LMNTD1: variants seen among roughly 807,000 people sequenced by gnomAD.
The protein encoded by LMNTD1 is lamin tail domain containing 1.
Under a neutral mutation model 50.9 loss-of-function variants are expected in LMNTD1, and 35 were observed. The ratio of observed to expected loss-of-function variants is 0.69; its 90% CI spans 0.53 to 0.91. LMNTD1 has a LOEUF of 0.91. Among genes scored for constraint, LMNTD1 ranks in the 40% least tolerant of loss-of-function variants. The probability of loss-of-function intolerance (pLI) is 0.00; values close to 1 mark genes in which losing one functional copy is unlikely to be tolerated. For synonymous variants in LMNTD1, 153 were observed against 161.9 expected (o/e 0.94, Z 0.42); for missense variants, 470 against 475.5 (o/e 0.99, Z 0.11).
chr12:25,536,220 C>T (rs1242864779), intron 4 of LMNTD1, among the ~76,000 whole-genome samples: 1 of 152,098 alleles, frequency 6.6e-6, no homozygotes, highest in Non-Finnish European at 1.5e-5. Flanking sequence ...CACTATCAAC[C>T]AACATGACAT....
At chr12:25,493,978 T>C (rs562668558) in intron 9 of LMNTD1, among the ~76,000 whole-genome samples, 4 of 152,176 alleles carry the variant, frequency 2.6e-5, no homozygotes, top group Non-Finnish European at 5.9e-5. Flanking sequence ...TGGACAGGAA[T>C]GTGCTGTCAG....
At position 25,549,323 on chromosome 12, in the gene LMNTD1, T is replaced by C. The variant is rs779539410; in HGVS notation, c.310+3A>G. The C allele has an allele frequency of 1.0e-5, 16 of 1,585,020 alleles. 1 individual carries two copies. Among genetic ancestry groups the C allele is most frequent in the South Asian group, 1.1e-5 (1 of 87,856 alleles). On this transcript the variant is annotated splice_donor_region_variant and intron_variant, in intron 3 of 9. Transcript: ENST00000458174. ...AAAAATATGGGTTCCATATTTTGCT[T>C]ACCCAAGCTGTTTTCCACTCTGGAA...
In LMNTD1 at chr12:25,515,308, T is replaced by C. The variant is rs954959055; in HGVS notation, c.1189+3487A>G. ...ACAGTAAATTTGTATAATAAAATAC[T>C]ACATAATGGTTAAAGTGACTGAATT... On this transcript the variant is annotated intron_variant, in intron 8 of 9. Coordinates refer to ENST00000458174, the MANE Select transcript of LMNTD1 (RefSeq NM_001145728.2). Among the ~76,000 whole-genome samples, 6 of 152,206 alleles carry C rather than the reference T, an allele frequency of 3.9e-5. 1 individual carries two copies. The highest frequency in any genetic ancestry group is 1.3e-4 in the Admixed American group (2 of 15,294).
intron 1 of LMNTD1, among the ~76,000 whole-genome samples, chr12:25,594,651 C>CAAAAAAAAAAAAAAAAAAA (rs61299586): frequency 1.9e-4 from 13 of 69,904 alleles, no homozygotes; most frequent in East Asian, 8.3e-4. Context: ...AACAGAAATA[C>CAAAAAAAAAAAAAAAAAAA]AAAAAAAAAA....
chr12:25,495,962 A>T (rs1939048974), intron 9 of LMNTD1, among the ~76,000 whole-genome samples: 1 of 152,232 alleles, frequency 6.6e-6, no homozygotes, highest in Non-Finnish European at 1.5e-5. Flanking sequence ...AATTGTGTAG[A>T]AGAGCTCCAA....
At chr12:25,489,087 C>G (rs1938777960) in intron 9 of LMNTD1, among the ~76,000 whole-genome samples, 1 of 152,038 alleles carries the variant, frequency 6.6e-6, no homozygotes, top group African/African-American at 2.4e-5. Flanking sequence ...TTTTGTTTGT[C>G]TGTGCCCTGC....
At chr12:25,627,837 C>T (rs7967397) in intron 1 of LMNTD1, among the ~76,000 whole-genome samples, 15,602 of 151,988 alleles carry the variant, frequency 0.1, 1,147 homozygotes, top group African/African-American at 0.19. Context: ...GGGCCGGGCG[C>T]GGTGGCTCAC....
chr12:25,525,758 G>C (rs1705418), intron 6 of LMNTD1, among the ~76,000 whole-genome samples: 117,026 of 151,766 alleles, frequency 0.77, 45,890 homozygotes, highest in East Asian at 0.87. Flanking sequence ...CTATGAAAAA[G>C]TAGCCCAAAT....
chr12:25,604,002 T>A (rs1051110981), intron 1 of LMNTD1, among the ~76,000 whole-genome samples: 1 of 152,066 alleles, frequency 6.6e-6, no homozygotes, highest in Admixed American at 6.6e-5. Context: ...TAAAGAGCTA[T>A]GCAAACAAAC....
chr12:25,605,124 T>C (rs377238313), intron 1 of LMNTD1, among the ~76,000 whole-genome samples: 2 of 152,222 alleles, frequency 1.3e-5, no homozygotes, highest in African/African-American at 4.8e-5. Flanking sequence ...TTTCATGTGT[T>C]TTTTGGCTGC....
At chr12:25,481,844 A>G (rs1938454543) in intron 9 of LMNTD1, among the ~76,000 whole-genome samples, 2 of 146,166 alleles carry the variant, frequency 1.4e-5, no homozygotes, top group Non-Finnish European at 3.0e-5. Context: ...GGTCATCAAC[A>G]TATAGTAATA....
At chr12:25,491,741 T>A (rs1938891758) in intron 9 of LMNTD1, among the ~76,000 whole-genome samples, 1 of 152,162 alleles carries the variant, frequency 6.6e-6, no homozygotes, top group Non-Finnish European at 1.5e-5. Context: ...CCATGGGGAA[T>A]TCACCAGGAG....
At chr12:25,504,834 A>G (rs1319242357) in intron 8 of LMNTD1, among the ~76,000 whole-genome samples, 1 of 152,256 alleles carries the variant, frequency 6.6e-6, no homozygotes, top group Non-Finnish European at 1.5e-5. Flanking sequence ...ATCACAGTAT[A>G]AACTTGCTAA....
chr12:25,566,767 ATTGT>A (rs1308255136), intron 1 of LMNTD1, among the ~76,000 whole-genome samples: 9 of 152,234 alleles, frequency 5.9e-5, no homozygotes, highest in African/African-American at 1.9e-4. Context: ...CAATCCTATC[ATTGT>A]TTGATGATAG....
intron 8 of LMNTD1, among the ~76,000 whole-genome samples, chr12:25,511,316 G>C (rs897260498): frequency 6.6e-6 from 1 of 152,120 alleles, no homozygotes; most frequent in African/African-American, 2.4e-5. Flanking sequence ...AAACAAGATT[G>C]ATTATACTTG....
At chr12:25,569,315 C>T (rs548568170) in intron 1 of LMNTD1, among the ~76,000 whole-genome samples, 7 of 151,886 alleles carry the variant, frequency 4.6e-5, no homozygotes, top group African/African-American at 1.4e-4. Context: ...TTCTTTTAGG[C>T]AACTTTTCCC....
At chr12:25,631,865 G>A (rs1946726130) in intron 1 of LMNTD1, among the ~76,000 whole-genome samples, 1 of 152,124 alleles carries the variant, frequency 6.6e-6, no homozygotes, top group Non-Finnish European at 1.5e-5. Flanking sequence ...AGGGACCAGA[G>A]AAAGGTGAAG....
intron 1 of LMNTD1, chr12:25,648,446 C>G (rs778402481): frequency 4.1e-6 from 6 of 1,460,200 alleles, no homozygotes; most frequent in Non-Finnish European, 5.6e-6. Context: ...ATGAGGGAAG[C>G]CAGCGAATTG....
At chr12:25,569,140 C>T (rs1196677442) in intron 1 of LMNTD1, among the ~76,000 whole-genome samples, 1 of 152,212 alleles carries the variant, frequency 6.6e-6, no homozygotes, top group Non-Finnish European at 1.5e-5. Context: ...GCAGGGGCTG[C>T]ACCCGGCAAA....
Sources: gnomAD v4.1 joint callset for allele counts (sites outside exome capture counted in the v4.1 genomes callset) on GRCh38, gnomAD v4.1.1 for gene constraint, MANE v1.5 for transcripts, NCBI Gene and HGNC (gene_info 2026-07-23, HGNC 2026-07-21) for gene names.